The following MN1 variants were observed in gnomAD, a reference collection of about 807,000 sequenced individuals.
MN1 encodes MN1 proto-oncogene, transcriptional regulator, also known as transcriptional activator MN1.
In MN1, 19 loss-of-function variants were observed where a neutral mutation model predicts 86.9. The observed-to-expected ratio is 0.22, with a 90% confidence interval of 0.15 to 0.32. The LOEUF (loss-of-function observed/expected upper bound fraction) is 0.32, where lower values mean the gene tolerates loss of function less well. MN1 is among the 10% of genes least tolerant of loss of function. MN1 has a pLI of 1.00. For synonymous variants in MN1, 928 were observed against 849.6 expected, an observed-to-expected ratio of 1.09 and a Z score of -1.60; for missense variants, 1,841 against 1,862.0, an observed-to-expected ratio of 0.99 and a Z score of 0.21.
intron 1 of MN1, among the ~76,000 whole-genome samples, chr22:27,786,233 AG>A (rs901764695): frequency 3.0e-4 from 45 of 152,326 alleles, no homozygotes; most frequent in African/African-American, 9.4e-4. Context: ...AGAGAGGAAG[AG>A]GGGGGCCCCC....
rs776337106 is a variant in MN1 at position 27,798,624 on chromosome 22, T to C, written c.1920A>G (p.Gly640=). ...AWFSGPHPPP[G]DLLPRRMGGS... The stretch of plus-strand genomic sequence containing the variant: ...CGCCCATCCTACGGGGCAGCAGGTC[T>C]CCGGGCGGCGGATGCGGACCTGAGA... The change falls in exon 1 of 2, where the codon GGA becomes GGG. Residue 640 remains glycine (G), a synonymous_variant. Coordinates refer to ENST00000302326, the MANE Select transcript of MN1 (RefSeq NM_002430.3). 1 of 1,562,084 alleles carries C rather than the reference T, an allele frequency of 6.4e-7. No individual in the cohort carries two copies. The highest frequency in any genetic ancestry group is 8.6e-7 in the Non-Finnish European group (1 of 1,162,600).
chr22:27,787,985 C>A (rs989364304), intron 1 of MN1, among the ~76,000 whole-genome samples: 1 of 152,362 alleles, frequency 6.6e-6, no homozygotes, highest in East Asian at 1.9e-4. Flanking sequence ...AGCCCCGAGC[C>A]CCACAGGGAA....
Position 27,796,971 on chromosome 22 carries a change from C to G in MN1, c.3573G>C (p.Gly1191=). The G allele has an allele frequency of 6.2e-7, 1 of 1,612,362 alleles. No individual in the cohort carries two copies. Among genetic ancestry groups the G allele is most frequent in the South Asian group, 1.1e-5 (1 of 91,020 alleles). The change falls in exon 1 of 2, where the codon GGG becomes GGC. Residue 1191 remains glycine, a synonymous_variant. Transcript: ENST00000302326. The part of the protein sequence containing the change: ...KKGECAVGAS[G]AQNGDSELGS... ...CCAGCTCGCTGTCGCCATTCTGCGC[C>G]CCTGAGGCCCCGACGGCGCACTCAC...
At chr22:27,776,568 C>T (rs557792281) in intron 1 of MN1, among the ~76,000 whole-genome samples, 1 of 152,246 alleles carries the variant, frequency 6.6e-6, no homozygotes, top group African/African-American at 2.4e-5. Flanking sequence ...TAGAATCTGC[C>T]GGTCACCTCG....
At chr22:27,795,964 G>A (rs903254598) in intron 1 of MN1, among the ~76,000 whole-genome samples, 2 of 152,074 alleles carry the variant, frequency 1.3e-5, no homozygotes, top group South Asian at 2.1e-4. Context: ...AAAGCCAAGC[G>A]AGATATTGAC....
chr22:27,763,022 G>C lies in MN1; in HGVS notation c.3782-11926C>G, dbSNP rs147178295. The stretch of plus-strand genomic sequence containing the variant: ...ACTTGGTAGGATCACTTGAAACTGG[G>C]ATTTCGAGGCTGCAGTGAGCTGTGA... On this transcript the variant is annotated intron_variant, in intron 1 of 1. Transcript: ENST00000302326. 4.6e-3 allele frequency among the ~76,000 whole-genome samples: 699 copies of C among 152,240 alleles called. 1 individual carries two copies. The highest frequency in any genetic ancestry group is 0.016 in the African/African-American group (667 of 41,526).
At chr22:27,794,244 T>C (rs1175998852) in intron 1 of MN1, among the ~76,000 whole-genome samples, 2 of 152,200 alleles carry the variant, frequency 1.3e-5, no homozygotes, top group African/African-American at 4.8e-5. Flanking sequence ...CAGGGTGTTA[T>C]CATAATGAAA....
In MN1 at chr22:27,750,008, A is replaced by C. The variant is rs182108513; in HGVS notation, c.*907T>G. 3.1e-4 allele frequency: 72 copies of C among 232,376 alleles called. No individual in the cohort carries two copies. Among genetic ancestry groups the C allele is most frequent in the African/African-American group, 1.5e-3 (69 of 45,412 alleles). The allele number at this position is 232,376 out of a possible 1,614,324, so 14.4% of individuals were successfully genotyped here. On this transcript the variant is annotated 3_prime_UTR_variant, in exon 2 of 2. Transcript: ENST00000302326. ...TCCAAAGACTGCAGGCTGGGAGCAC[A>C]CCATCCCCCATGCAGACCAAAGGCT...
At position 27,800,125 on chromosome 22, in the gene MN1, G is replaced by A. The variant is rs1209258911; in HGVS notation, c.419C>T (p.Ala140Val). ...GGRLLGYGGA[A>V]GGLGSQPPFA... The stretch of plus-strand genomic sequence containing the variant: ...GGGCGGCTGGCTGCCCAGGCCTCCG[G>A]CTGCGCCGCCGTAGCCGAGCAGGCG... The change falls in exon 1 of 2, where the codon GCC becomes GTC. Residue 140 changes from alanine (A) to valine (V), a missense_variant. Transcript: ENST00000302326. The A allele has an allele frequency of 1.9e-6, 3 of 1,568,160 alleles. No individual in the cohort carries two copies. The highest frequency in any genetic ancestry group is 1.4e-5 in the African/African-American group (1 of 73,744).
rs550816225 is a variant in MN1 at position 27,795,246 on chromosome 22, A to C, written c.3781+1517T>G. On this transcript the variant is annotated intron_variant, in intron 1 of 1. Coordinates refer to ENST00000302326, the MANE Select transcript of MN1 (RefSeq NM_002430.3). ...GCTGGGCAGTAACCGCGGAACAAAG[A>C]GAAAAAGCAGAGAGGCCGCATTCAT... Among the ~76,000 whole-genome samples the C allele has an allele frequency of 2.0e-5, 3 of 152,226 alleles. No homozygotes were observed. The South Asian group carries it at 6.2e-4, about 32-fold the overall frequency.
intron 1 of MN1, among the ~76,000 whole-genome samples, chr22:27,790,205 T>C (rs567959211): frequency 6.6e-6 from 1 of 152,270 alleles, no homozygotes; most frequent in Non-Finnish European, 1.5e-5. Context: ...CTTTCAAAAG[T>C]CCCTCCCCAC....
chr22:27,800,607 G>T lies in MN1; in HGVS notation c.-64C>A. The T allele has an allele frequency of 2.5e-6, 4 of 1,605,864 alleles. No individual in the cohort carries two copies. The highest frequency in any genetic ancestry group is 3.4e-6 in the Non-Finnish European group (4 of 1,178,434). On this transcript the variant is annotated 5_prime_UTR_variant, in exon 1 of 2. Coordinates refer to ENST00000302326, the MANE Select transcript of MN1 (RefSeq NM_002430.3). ...AGCCGGCTCTCCGCGGCGCGCCTCC[G>T]GCCAGCTACTCGTTCCAGCCCAGGA...
At chr22:27,773,099 A>T (rs1187472273) in intron 1 of MN1, among the ~76,000 whole-genome samples, 2 of 148,742 alleles carry the variant, frequency 1.3e-5, no homozygotes, top group African/African-American at 5.0e-5. Flanking sequence ...CCCTCCCCAG[A>T]CTCCCATCCC....
At chr22:27,765,377 A>C (rs1218814348) in intron 1 of MN1, among the ~76,000 whole-genome samples, 1 of 151,942 alleles carries the variant, frequency 6.6e-6, no homozygotes, top group African/African-American at 2.4e-5. Context: ...CTTAAAAATC[A>C]ATAGAACATT....
At chr22:27,764,244 A>G (rs1034538759) in intron 1 of MN1, among the ~76,000 whole-genome samples, 1 of 152,228 alleles carries the variant, frequency 6.6e-6, no homozygotes, top group Admixed American at 6.5e-5. Context: ...ACTTAGAAAC[A>G]TAGCCCCTTA....
At chr22:27,774,904 C>G (rs45620835) in intron 1 of MN1, among the ~76,000 whole-genome samples, 1 of 152,186 alleles carries the variant, frequency 6.6e-6, no homozygotes, top group Non-Finnish European at 1.5e-5. Context: ...TATACCCCCT[C>G]CTGAGCCCCC....
intron 1 of MN1, among the ~76,000 whole-genome samples, chr22:27,769,552 A>ATTTTTTTTTT (rs58248602): frequency 0.2 from 16,079 of 82,012 alleles, 4,050 homozygotes; most frequent in African/African-American, 0.31. Context: ...AAGGATGCCA[A>ATTTTTTTTTT]TTTTTTTTTT....
intron 1 of MN1, among the ~76,000 whole-genome samples, chr22:27,754,488 G>A (rs764848512): frequency 3.3e-5 from 5 of 152,174 alleles, no homozygotes; most frequent in African/African-American, 1.2e-4. Flanking sequence ...CCCAGCCTCC[G>A]CCTAGAATGA....
intron 1 of MN1, among the ~76,000 whole-genome samples, chr22:27,792,644 A>G (rs1933229465): frequency 6.6e-6 from 1 of 152,104 alleles, no homozygotes; most frequent in Non-Finnish European, 1.5e-5. Flanking sequence ...GGGAGCAGGG[A>G]GGCCCAAACG....
Sources: allele counts gnomAD v4.1 joint callset (sites outside exome capture counted in the v4.1 genomes callset), GRCh38; gene constraint gnomAD v4.1.1; transcripts MANE v1.5; gene names NCBI Gene and HGNC (gene_info 2026-07-23, HGNC 2026-07-21).